Variants in DSG1 observed in about 807,000 individuals in gnomAD.
DSG1 encodes the protein desmoglein-1.
In DSG1, 39 loss-of-function variants were observed where a neutral mutation model predicts 97.5. The ratio of observed to expected loss-of-function variants is 0.40; its 90% CI spans 0.31 to 0.52. The LOEUF is 0.52. Among genes scored for constraint, DSG1 ranks in the 20% least tolerant of loss-of-function variants. The probability of loss-of-function intolerance (pLI) is 0.53; values close to 1 mark genes in which losing one functional copy is unlikely to be tolerated. For missense variants in DSG1, 1,311 were observed against 1,295.4 expected (o/e 1.01, Z -0.18); for synonymous variants, 475 against 443.4 (o/e 1.07, Z -0.90).
chr18:31,345,584 G>C (rs903770354), intron 13 of DSG1: 1 of 182,050 alleles, frequency 5.5e-6, no homozygotes, highest in African/African-American at 2.4e-5. Flanking sequence ...GAAAGCCAGT[G>C]GTTCTCATGT....
At chr18:31,353,935 G>A (rs908618729) in intron 14 of DSG1, 16 of 281,320 alleles carry the variant, frequency 5.7e-5, no homozygotes, top group African/African-American at 1.1e-4. Context: ...CGTCTTCTGC[G>A]TCGCTCACGC....
chr18:31,326,563 T>C lies in DSG1; in HGVS notation c.49-18T>C. 1.9e-6 allele frequency: 3 copies of C among 1,567,020 alleles called. No homozygotes were observed. Among genetic ancestry groups the C allele is most frequent in the Non-Finnish European group, 2.6e-6 (3 of 1,138,406 alleles). On this transcript the variant is annotated intron_variant, in intron 1 of 14. Coordinates refer to ENST00000257192, the MANE Select transcript of DSG1 (RefSeq NM_001942.4). The stretch of plus-strand genomic sequence containing the variant: ...TTTAATTAAAAAATAACTAGTGTGA[T>C]TATCTTATTTTTTACAGGTGGTGGT...
intron 11 of DSG1, chr18:31,343,249 A>T (rs2071801970): frequency 1.5e-6 from 1 of 660,524 alleles, no homozygotes; most frequent in South Asian, 1.8e-5. Flanking sequence ...AATAAACTAA[A>T]ATTGACTGCA....
At chr18:31,318,580 G>T (rs1416511562) in intron 1 of DSG1, among the ~76,000 whole-genome samples, 1 of 152,126 alleles carries the variant, frequency 6.6e-6, no homozygotes, top group Non-Finnish European at 1.5e-5. Context: ...CTCTGACACT[G>T]AAGTCATTGC....
At chr18:31,354,178 C>A in intron 14 of DSG1, 119 bp from the exon 15 acceptor site, 1 of 827,308 alleles carries the variant, frequency 1.2e-6, no homozygotes, top group Non-Finnish European at 2.0e-6. Flanking sequence ...ATGTTAAAAT[C>A]TTGTTTTATT....
intron 1 of DSG1, among the ~76,000 whole-genome samples, 177 bp downstream of exon 1, chr18:31,318,525 C>T (rs537290871): frequency 6.6e-6 from 1 of 152,260 alleles, no homozygotes; most frequent in Non-Finnish European, 1.5e-5. Flanking sequence ...TAATTGAAGA[C>T]TCAAGATCAT....
intron 10 of DSG1, 98 bp from the exon 11 acceptor site, chr18:31,339,646 A>G (rs768753764): frequency 7.6e-6 from 7 of 918,218 alleles, no homozygotes; most frequent in Non-Finnish European, 9.9e-6. Context: ...GAATAAAGAC[A>G]CTGAAATAAA....
chr18:31,355,274 C>T lies in DSG1; in HGVS notation c.3078C>T (p.Thr1026=). ...RSSSDHHFNQ[T]IGSASPSTAR... ...CCTCTGACCATCACTTTAACCAAAC[C>T]ATTGGGTCCGCCTCCCCTAGCACAG... Residue 1026 remains threonine (T), a synonymous_variant, in exon 15 of 15, where the codon ACC becomes ACT. Coordinates refer to ENST00000257192, the MANE Select transcript of DSG1 (RefSeq NM_001942.4). 1.9e-6 allele frequency: 3 copies of T among 1,613,620 alleles called. No homozygotes were observed. In the South Asian group the frequency reaches 3.3e-5, roughly 18 times the overall value.
chr18:31,320,894 A>G (rs2071649485), intron 1 of DSG1, among the ~76,000 whole-genome samples: 1 of 152,192 alleles, frequency 6.6e-6, no homozygotes, highest in African/African-American at 2.4e-5. Context: ...TCTGAAAATT[A>G]CTTGCAACTT....
At chr18:31,329,199 C>T (rs527369845) in intron 4 of DSG1, among the ~76,000 whole-genome samples, 80 of 152,182 alleles carry the variant, frequency 5.3e-4, no homozygotes, top group African/African-American at 1.7e-3. Context: ...TTTCTGTCTC[C>T]CTTCTGCTGG....
chr18:31,322,186 G>A lies in DSG1; in HGVS notation c.48+3838G>A, dbSNP rs2071658032. Among the ~76,000 whole-genome samples the A allele has an allele frequency of 2.0e-5, 3 of 152,212 alleles. No individual in the cohort carries two copies. In the South Asian group the frequency reaches 6.2e-4, roughly 32 times the overall value. ...TGCTCTCAAAACTGCAAGACTGTAA[G>A]TTATTTGAAGGCAGGTTCTGTGTCT... is the stretch of plus-strand genomic sequence containing the variant. On this transcript the variant is annotated intron_variant, in intron 1 of 14. Transcript: ENST00000257192.
At chr18:31,336,710 C>A in intron 9 of DSG1, 97 bp downstream of exon 9, 1 of 1,287,998 alleles carries the variant, frequency 7.8e-7, no homozygotes, top group Non-Finnish European at 1.1e-6. Context: ...AAATACTTTT[C>A]ATTATTTTTG....
At chr18:31,325,203 T>C (rs1448885893) in intron 1 of DSG1, among the ~76,000 whole-genome samples, 1 of 152,206 alleles carries the variant, frequency 6.6e-6, no homozygotes, top group Non-Finnish European at 1.5e-5. Flanking sequence ...TCTGACTGTA[T>C]GGTGAAAGCT....
chr18:31,340,708 T>C (rs1445381755), intron 11 of DSG1, among the ~76,000 whole-genome samples: 1 of 151,610 alleles, frequency 6.6e-6, no homozygotes, highest in Non-Finnish European at 1.5e-5. Flanking sequence ...AGAATGAGAG[T>C]GCAAAGTACT....
At position 31,354,710 on chromosome 18, in the gene DSG1, C is replaced by A. The variant is rs758293574; in HGVS notation, c.2514C>A (p.Thr838=). The A allele has an allele frequency of 1.2e-6, 2 of 1,614,108 alleles. No homozygotes were observed. The highest frequency in any genetic ancestry group is 1.7e-6 in the Non-Finnish European group (2 of 1,180,034). The part of the protein sequence containing the change: ...DPLGYGNVTV[T]ESYTTSDTLK... ...TGGGCTATGGTAATGTCACTGTGAC[C>A]GAGTCTTACACCACCTCTGACACTC... Residue 838 remains threonine (T), a synonymous_variant, in exon 15 of 15, where the codon ACC becomes ACA. Coordinates refer to ENST00000257192, the MANE Select transcript of DSG1 (RefSeq NM_001942.4).
At chr18:31,347,740 C>T (rs948774029) in intron 14 of DSG1, 3 of 152,078 alleles carry the variant, frequency 2.0e-5, no homozygotes, top group Non-Finnish European at 4.4e-5. Context: ...GTAGAACAGA[C>T]CCAGAGTCAA....
At chr18:31,346,242 G>A in intron 14 of DSG1, 44 bp downstream of exon 14, 2 of 1,497,606 alleles carry the variant, frequency 1.3e-6, no homozygotes, top group South Asian at 1.1e-5. Context: ...CCATGTGCCT[G>A]CTGCTCTTCA....
intron 11 of DSG1, 95 bp from the exon 12 acceptor site, chr18:31,343,355 A>G (rs2144106642): frequency 6.5e-7 from 1 of 1,542,766 alleles, no homozygotes; most frequent in Non-Finnish European, 8.9e-7. Context: ...CCAGAATTAT[A>G]TTACGAATTC....
In DSG1 at chr18:31,329,987, G is replaced by A. The variant is rs200830982; in HGVS notation, c.468G>A (p.Val156=). 2.2e-5 allele frequency: 35 copies of A among 1,613,200 alleles called. No individual in the cohort carries two copies. The East Asian group carries it at 6.0e-4, about 28-fold the overall frequency. The change falls in exon 5 of 15, where the codon GTG becomes GTA. Residue 156 remains valine (V), a synonymous_variant. Coordinates refer to ENST00000257192, the MANE Select transcript of DSG1 (RefSeq NM_001942.4). Reference sequence around the variant, plus strand: ...TGGATATAAATGACAACCCTCCAGTGTTTTCAATGGCTACATTTGCAGGAC... The same window carrying A: ...TGGATATAAATGACAACCCTCCAGTATTTTCAATGGCTACATTTGCAGGAC... ...RVLDINDNPP[V]FSMATFAGQI... is the part of the protein sequence containing the mutation.
Sources: allele counts gnomAD v4.1 joint callset (sites outside exome capture counted in the v4.1 genomes callset), GRCh38; gene constraint gnomAD v4.1.1; transcripts MANE v1.5; gene names NCBI Gene and HGNC (gene_info 2026-07-23, HGNC 2026-07-21).